NFAT5: variants seen among roughly 807,000 people sequenced by gnomAD.
The protein encoded by NFAT5 is nuclear factor of activated T cells 5, also known as nuclear factor of activated T-cells 5.
A neutral mutation model predicts 166.5 loss-of-function variants in NFAT5; 31 were observed. The ratio of observed to expected loss-of-function variants is 0.19; its 90% CI spans 0.14 to 0.25. The LOEUF (loss-of-function observed/expected upper bound fraction) is 0.25. Among genes scored for constraint, NFAT5 ranks in the 10% least tolerant of loss-of-function variants. The probability of loss-of-function intolerance (pLI) is 1.00; values close to 1 mark genes in which losing one functional copy is unlikely to be tolerated. For synonymous variants in NFAT5, 612 were observed against 639.7 expected (o/e 0.96, Z 0.65); for missense variants, 1,449 against 1,821.8 (o/e 0.80, Z 3.72).
intron 6 of NFAT5, among the ~76,000 whole-genome samples, chr16:69,657,283 A>T (rs932891185): frequency 2.7e-5 from 4 of 150,248 alleles, no homozygotes; most frequent in Non-Finnish European, 4.4e-5. Context: ...GGCGCCCACC[A>T]CCGTACCTGG....
intron 2 of NFAT5, among the ~76,000 whole-genome samples, chr16:69,580,334 C>T (rs1338737547): frequency 6.6e-6 from 1 of 151,906 alleles, no homozygotes; most frequent in Non-Finnish European, 1.5e-5. Context: ...TCAAGACCAG[C>T]CTGGGCAATA....
intron 6 of NFAT5, among the ~76,000 whole-genome samples, chr16:69,656,086 G>T (rs1293698673): frequency 6.6e-6 from 1 of 152,034 alleles, no homozygotes; most frequent in Non-Finnish European, 1.5e-5. Flanking sequence ...TTAGAGACCA[G>T]CCTGGCCAAC....
intron 6 of NFAT5, among the ~76,000 whole-genome samples, chr16:69,659,243 A>G (rs570340406): frequency 1.3e-5 from 2 of 152,018 alleles, no homozygotes; most frequent in African/African-American, 4.8e-5. Flanking sequence ...GGAGTTCAAG[A>G]CCGGCCTGGC....
At position 69,704,523 on chromosome 16, in the gene NFAT5, CTA is replaced by C. The variant is rs2151738153; in HGVS notation, c.*8174_*8175del. On this transcript the variant is annotated 3_prime_UTR_variant, in exon 15 of 15. Coordinates refer to ENST00000349945, the MANE Select transcript of NFAT5 (RefSeq NM_138713.4). ...TTCTCTGGGGGAATTTCATTTGCAT[CTA>C]TGTTTTTAGCTATCTGTGATAACTT... 6.6e-6 allele frequency: 1 copy of C among 152,660 alleles called. No individual in the cohort carries two copies. Among genetic ancestry groups the C allele is most frequent in the Admixed American group, 6.5e-5 (1 of 15,290 alleles). 9.5% of individuals were successfully genotyped at this position (152,660 alleles called of 1,614,324 possible).
intron 3 of NFAT5, among the ~76,000 whole-genome samples, chr16:69,642,017 T>C (rs543197766): frequency 2.4e-4 from 37 of 152,150 alleles, no homozygotes; most frequent in African/African-American, 8.0e-4. Flanking sequence ...GATGATCGCT[T>C]GAGCCCAGGA....
At chr16:69,642,818 A>AG (rs1312980699) in intron 3 of NFAT5, among the ~76,000 whole-genome samples, 23 of 149,554 alleles carry the variant, frequency 1.5e-4, no homozygotes, top group African/African-American at 5.6e-4. Context: ...CTGTGTCTCA[A>AG]AAAAAAGAAA....
chr16:69,567,008 GC>G (rs1341337305), intron 1 of NFAT5, among the ~76,000 whole-genome samples: 2 of 152,004 alleles, frequency 1.3e-5, no homozygotes, highest in African/African-American at 4.8e-5. Flanking sequence ...GATGGAAAGG[GC>G]CCGAATTTTC....
rs540254351 is a variant in NFAT5 at position 69,566,409 on chromosome 16, GGGGAGACAGGGAGACA to G, written c.73+47_73+62del. 7.1e-6 allele frequency: 10 copies of G among 1,418,152 alleles called. No homozygotes were observed. The East Asian group carries it at 9.4e-5, about 13-fold the overall frequency. The allele number at this position is 1,418,152 out of a possible 1,614,324, so 87.8% of individuals were successfully genotyped here. The stretch of plus-strand genomic sequence containing the variant: ...GCTGTGGGGGGTGGGGCGTGGGGGC[GGGGAGACAGGGAGACA>G]GGGAGACAGGGCCAGGGGAGGCGAG... On this transcript the variant is annotated intron_variant, in intron 1 of 14. Transcript: ENST00000349945. The surrounding 1 kb of genome is among the most constrained non-coding windows in gnomAD (Gnocchi z 5.7).
intron 2 of NFAT5, among the ~76,000 whole-genome samples, chr16:69,605,437 CAAAAAGAAAATAG>C (rs2151547210): frequency 6.6e-6 from 1 of 152,182 alleles, no homozygotes; most frequent in African/African-American, 2.4e-5. Context: ...GACAGTGTCT[CAAAAAGAAAATAG>C]AAAAGTAGTA....
chr16:69,573,429 C>A (rs971305741), intron 2 of NFAT5, among the ~76,000 whole-genome samples: 1 of 151,894 alleles, frequency 6.6e-6, no homozygotes, highest in East Asian at 1.9e-4. Context: ...TACAAAGATA[C>A]CTTTTTGGAA....
At position 69,692,388 on chromosome 16, in the gene NFAT5, A is replaced by G. The variant is rs1038646865; in HGVS notation, c.2563A>G (p.Ile855Val). 6.2e-7 allele frequency: 1 copy of G among 1,614,118 alleles called. No homozygotes were observed. The highest frequency in any genetic ancestry group is 1.3e-5 in the African/African-American group (1 of 74,942). The change falls in exon 13 of 15, where the codon ATT becomes GTT. Residue 855 changes from isoleucine to valine, a missense_variant. Physicochemically the swap from Ile to Val is conservative, Grantham distance 29. Around this residue, in one of 7 missense-constraint regions of NFAT5, gnomAD observed 891 missense variants for 993.0 expected, o/e 0.90. Transcript: ENST00000349945. ...AGATATTTTTCAACAAGTCAGTCAA[A>G]TTCAGAGTGGTGTAAGCCCTGGAAT... The part of the protein sequence containing the change: ...SADIFQQVSQ[I>V]QSGVSPGMFS...
intron 2 of NFAT5, among the ~76,000 whole-genome samples, chr16:69,598,513 G>C (rs1373286519): frequency 6.6e-6 from 1 of 151,552 alleles, no homozygotes; most frequent in South Asian, 2.1e-4. Flanking sequence ...TATCAACATA[G>C]TAAAATAATT....
rs1313799701 is a variant in NFAT5 at position 69,681,933 on chromosome 16, AAG to A, written c.1691-2952_1691-2951del. ...ACTCCATCTGAAAAAAAAAAAAAAA[AAG>A]AAAGAAAAGAAAATCTAGGGATCCT... On this transcript the variant is annotated intron_variant, in intron 10 of 14. Coordinates refer to ENST00000349945, the MANE Select transcript of NFAT5 (RefSeq NM_138713.4). Among the ~76,000 whole-genome samples, 81 of 151,078 alleles carry A rather than the reference AAG, an allele frequency of 5.4e-4. 1 individual carries two copies. The highest frequency in any genetic ancestry group is 1.6e-3 in the African/African-American group (68 of 41,364).
intron 2 of NFAT5, among the ~76,000 whole-genome samples, chr16:69,586,663 G>A (rs1597358460): frequency 6.6e-6 from 1 of 151,948 alleles, no homozygotes; most frequent in African/African-American, 2.4e-5. Context: ...TCAGCCTCCC[G>A]AAGTGCTGAG....
At chr16:69,634,107 A>G (rs1597441353) in intron 3 of NFAT5, among the ~76,000 whole-genome samples, 1 of 151,820 alleles carries the variant, frequency 6.6e-6, no homozygotes, top group African/African-American at 2.4e-5. Context: ...GTGAAACCCC[A>G]TCTCTACTAA....
At chr16:69,627,301 T>A (rs1214959595) in intron 3 of NFAT5, among the ~76,000 whole-genome samples, 1 of 143,942 alleles carries the variant, frequency 6.9e-6, no homozygotes. Flanking sequence ...CTGCTAAGTG[T>A]GTTTGTTTTA....
rs1409732074 is a variant in NFAT5 at position 69,688,220 on chromosome 16, AAAAAAAC to A, written c.1775-2719_1775-2713del. On this transcript the variant is annotated intron_variant, in intron 11 of 14. Coordinates refer to ENST00000349945, the MANE Select transcript of NFAT5 (RefSeq NM_138713.4). ...TCCGTCTCAAAAAAAAAAAAAAAAA[AAAAAAAC>A]CAGGAGTTTGAGGCTGCAGGTACTC... Among the ~76,000 whole-genome samples, 1,060 of 147,348 alleles carry A rather than the reference AAAAAAAC, an allele frequency of 7.2e-3. 15 individuals are homozygous for A. The highest frequency in any genetic ancestry group is 0.026 in the African/African-American group (1,019 of 39,312).
chr16:69,664,409 C>T (rs1259097387), intron 7 of NFAT5, among the ~76,000 whole-genome samples: 2 of 152,118 alleles, frequency 1.3e-5, no homozygotes, highest in Admixed American at 6.6e-5. Flanking sequence ...CTCAGCCTCC[C>T]GAGTAGCTGG....
intron 11 of NFAT5, among the ~76,000 whole-genome samples, chr16:69,686,921 A>C (rs1238338206): frequency 6.6e-6 from 1 of 152,224 alleles, no homozygotes; most frequent in African/African-American, 2.4e-5. Flanking sequence ...TTGAGAAAAA[A>C]TGCAAGTGTT....
Sources: allele counts gnomAD v4.1 joint callset (sites outside exome capture counted in the v4.1 genomes callset), GRCh38; gene constraint gnomAD v4.1.1; regional missense constraint gnomAD v4.1.1; non-coding constraint Gnocchi (gnomAD v3.1); transcripts MANE v1.5; gene names NCBI Gene and HGNC (gene_info 2026-07-23, HGNC 2026-07-21).